GAS2L3: variants seen among roughly 807,000 people sequenced by gnomAD.
The protein encoded by GAS2L3 is GAS2-like protein 3.
A neutral mutation model predicts 37.0 loss-of-function variants in GAS2L3; 28 were observed. That is an observed-to-expected ratio of 0.76 (90% CI 0.56 to 1.04). GAS2L3 has a LOEUF of 1.04. Ranked by LOEUF, GAS2L3 falls within the 50% of genes least tolerant of loss-of-function variation. GAS2L3 has a pLI of 0.00. For missense variants in GAS2L3, 793 were observed against 817.6 expected (o/e 0.97, Z 0.37); for synonymous variants, 290 against 296.6 (o/e 0.98, Z 0.23).
Position 100,601,691 on chromosome 12 carries a change from T to C in GAS2L3, c.241T>C (p.Leu81=), listed in dbSNP as rs749782360. ...GGAAGAACTTGATAATGGAGTACTA[T>C]TATGTCAACTGATTGATGTTCTTCA... ...LLEELDNGVL[L]CQLIDVLQNM... The change falls in exon 5 of 10, where the codon TTA becomes CTA. Residue 81 remains leucine (L), a synonymous_variant. Transcript: ENST00000547754. 6.2e-7 allele frequency: 1 copy of C among 1,605,348 alleles called. No individual in the cohort carries two copies. Among genetic ancestry groups the C allele is most frequent in the South Asian group, 1.1e-5 (1 of 90,020 alleles).
At chr12:100,588,313 G>C (rs1490048418) in intron 1 of GAS2L3, among the ~76,000 whole-genome samples, 3 of 152,138 alleles carry the variant, frequency 2.0e-5, no homozygotes, top group African/African-American at 2.4e-5. Context: ...GCTGCCAGGG[G>C]TGACATCACA....
At chr12:100,580,978 T>G (rs1015627000) in intron 1 of GAS2L3, among the ~76,000 whole-genome samples, 1 of 152,258 alleles carries the variant, frequency 6.6e-6, no homozygotes, top group Non-Finnish European at 1.5e-5. Context: ...GATCCTGTTC[T>G]ATGCATTCTC....
rs1304728163 is a variant in GAS2L3 at position 100,624,338 on chromosome 12, T to G, written c.1533T>G (p.Pro511=). 6.2e-7 allele frequency: 1 copy of G among 1,614,008 alleles called. No homozygotes were observed. Among genetic ancestry groups the G allele is most frequent in the South Asian group, 1.1e-5 (1 of 91,082 alleles). Residue 511 remains proline (P), a synonymous_variant, in exon 10 of 10, where the codon CCT becomes CCG. Coordinates refer to ENST00000547754, the MANE Select transcript of GAS2L3 (RefSeq NM_174942.3). ...KLPKANIPVR[P]KPSFQSSAKM... is the part of the protein sequence containing the mutation. ...CTAAAGCAAATATACCTGTAAGACC[T>G]AAACCTTCTTTCCAGTCCTCTGCAA...
chr12:100,602,435 T>C (rs1270596588), intron 5 of GAS2L3, among the ~76,000 whole-genome samples: 1 of 151,760 alleles, frequency 6.6e-6, no homozygotes, highest in Non-Finnish European at 1.5e-5. Context: ...TTCTGGGGGA[T>C]AGTGGATGAT....
chr12:100,587,976 C>T (rs1010064815), intron 1 of GAS2L3, among the ~76,000 whole-genome samples: 2 of 152,118 alleles, frequency 1.3e-5, no homozygotes, highest in Non-Finnish European at 2.9e-5. Context: ...GGTGTGAACC[C>T]AGGAGGTGGA....
chr12:100,580,238 T>G (rs1489694796), intron 1 of GAS2L3: 3 of 603,370 alleles, frequency 5.0e-6, no homozygotes, highest in Non-Finnish European at 9.0e-6. Context: ...TTTGTAATAG[T>G]TGTATTAAGA....
At chr12:100,575,476 A>ATTTTTTTTTTTTTTTTTTTTTTTTTTT (rs58446699) in intron 1 of GAS2L3, among the ~76,000 whole-genome samples, 1 of 88,796 alleles carries the variant, frequency 1.1e-5, no homozygotes, top group African/African-American at 4.7e-5. Flanking sequence ...TGTTATCTCT[A>ATTTTTTTTTTTTTTTTTTTTTTTTTTT]TTTTTTTTTT....
At chr12:100,589,179 C>T (rs896686710) in intron 1 of GAS2L3, among the ~76,000 whole-genome samples, 3 of 152,096 alleles carry the variant, frequency 2.0e-5, no homozygotes, top group Non-Finnish European at 2.9e-5. Flanking sequence ...TCGTCTGCTG[C>T]GGCTCCCTCC....
chr12:100,609,768 G>A (rs1462734972), intron 5 of GAS2L3, among the ~76,000 whole-genome samples: 4 of 152,152 alleles, frequency 2.6e-5, no homozygotes, highest in Non-Finnish European at 5.9e-5. Flanking sequence ...TGGTCCAAAT[G>A]CTTTCTCTAT....
chr12:100,588,745 C>T (rs113574417), intron 1 of GAS2L3, among the ~76,000 whole-genome samples: 14,199 of 152,110 alleles, frequency 0.093, 753 homozygotes, highest in Middle Eastern at 0.16. Context: ...TAGACCTCCC[C>T]CCAGGAACGT....
intron 8 of GAS2L3, among the ~76,000 whole-genome samples, chr12:100,621,456 T>G (rs1318031355): frequency 1.3e-5 from 2 of 152,074 alleles, no homozygotes; most frequent in Non-Finnish European, 2.9e-5. Context: ...TAGAAAATTC[T>G]ATAAGCTTCT....
intron 1 of GAS2L3, among the ~76,000 whole-genome samples, chr12:100,575,239 T>G (rs1955620353): frequency 6.6e-6 from 1 of 151,904 alleles, no homozygotes; most frequent in Non-Finnish European, 1.5e-5. Flanking sequence ...ACAAAAAGTT[T>G]TGAGCTCTCC....
chr12:100,596,751 T>G (rs529954147), intron 3 of GAS2L3, among the ~76,000 whole-genome samples: 8 of 152,140 alleles, frequency 5.3e-5, no homozygotes, highest in Non-Finnish European at 1.0e-4. Context: ...ACAATAGTTC[T>G]TAACCTTTCT....
intron 5 of GAS2L3, among the ~76,000 whole-genome samples, chr12:100,603,247 A>G (rs780186020): frequency 6.6e-6 from 1 of 152,170 alleles, no homozygotes; most frequent in Admixed American, 6.5e-5. Context: ...GTAATAATTT[A>G]TATTACCACC....
At position 100,625,037 on chromosome 12, in the gene GAS2L3, A is replaced by G. The variant is rs1956318494; in HGVS notation, c.*147A>G. The stretch of plus-strand genomic sequence containing the variant: ...GGCTGGGATGAGGAAAGGGTTCATC[A>G]GAATTCACATATCTGAATTCACTGG... On this transcript the variant is annotated 3_prime_UTR_variant, in exon 10 of 10. Transcript: ENST00000547754. 6.4e-6 allele frequency: 4 copies of G among 626,756 alleles called. No individual in the cohort carries two copies. Among genetic ancestry groups the G allele is most frequent in the Non-Finnish European group, 8.2e-6 (3 of 367,698 alleles). The allele number at this position is 626,756 out of a possible 1,614,324, so 38.8% of individuals were successfully genotyped here.
At chr12:100,598,834 C>A (rs1017197485) in intron 3 of GAS2L3, among the ~76,000 whole-genome samples, 3 of 152,154 alleles carry the variant, frequency 2.0e-5, no homozygotes, top group Non-Finnish European at 4.4e-5. Flanking sequence ...CCAAAGGATT[C>A]ATTCTTACTT....
rs370050719 is a variant in GAS2L3 at position 100,624,651 on chromosome 12, G to T, written c.1846G>T (p.Val616Leu). Reference sequence around the variant, plus strand: ...TCCTGGCCGTACCCCACTGTCCATCGTGAGCCTACCCCAGTCTTCTACCAA... The same window carrying T: ...TCCTGGCCGTACCCCACTGTCCATCTTGAGCCTACCCCAGTCTTCTACCAA... ...KSPGRTPLSI[V>L]SLPQSSTKTQ... Residue 616 changes from valine to leucine, a missense_variant, in exon 10 of 10, where the codon GTG becomes TTG. Val to Leu is a conservative substitution (Grantham distance 32). Transcript: ENST00000547754. 6.2e-7 allele frequency: 1 copy of T among 1,614,054 alleles called. No individual in the cohort carries two copies. Among genetic ancestry groups the T allele is most frequent in the Admixed American group, 1.7e-5 (1 of 59,990 alleles).
rs1485967372 is a variant in GAS2L3 at position 100,617,802 on chromosome 12, G to T, written c.504G>T (p.Val168=). The change falls in exon 7 of 10, where the codon GTG becomes GTT. Residue 168 remains valine (V), a synonymous_variant. Coordinates refer to ENST00000547754, the MANE Select transcript of GAS2L3 (RefSeq NM_174942.3). ...GTCTTCTTGAAATTGGTCGAATTGT[G>T]TCAAGGTATGTATTCCACAATATTT... The part of the protein sequence containing the change: ...YLCLLEIGRI[V]SRYGVEPPVL... 1.3e-6 allele frequency: 2 copies of T among 1,573,722 alleles called. No individual in the cohort carries two copies. Among genetic ancestry groups the T allele is most frequent in the African/African-American group, 2.7e-5 (2 of 74,080 alleles).
At position 100,612,066 on chromosome 12, in the gene GAS2L3, A is replaced by G; in HGVS notation, c.370A>G (p.Asn124Asp). Residue 124 changes from asparagine to aspartate, a missense_variant, in exon 6 of 10, where the codon AAT becomes GAT. Coordinates refer to ENST00000547754, the MANE Select transcript of GAS2L3 (RefSeq NM_174942.3). ...ATCAGGTTCATTCTTTGCTCGGGAC[A>G]ATACCGCAAACTTCCTTCACTGGTG... is the stretch of plus-strand genomic sequence containing the variant. ...AASGSFFARD[N>D]TANFLHWCRD... is the part of the protein sequence containing the mutation. 10 of 1,611,554 alleles carry G rather than the reference A, an allele frequency of 6.2e-6. No individual in the cohort carries two copies. The highest frequency in any genetic ancestry group is 8.5e-6 in the Non-Finnish European group (10 of 1,177,648).
Sources: allele counts gnomAD v4.1 joint callset (sites outside exome capture counted in the v4.1 genomes callset), GRCh38; gene constraint gnomAD v4.1.1; transcripts MANE v1.5; gene names NCBI Gene and HGNC (gene_info 2026-07-23, HGNC 2026-07-21).